The following PLCG2 variants were observed in gnomAD, a reference collection of about 807,000 sequenced individuals.
PLCG2 encodes the protein phospholipase C gamma 2.
Under a neutral mutation model 175.6 loss-of-function variants are expected in PLCG2, and 69 were observed. The ratio of observed to expected loss-of-function variants is 0.39; its 90% CI spans 0.32 to 0.48. The LOEUF (loss-of-function observed/expected upper bound fraction) is 0.48. Among genes scored for constraint, PLCG2 ranks in the 20% least tolerant of loss-of-function variants. The pLI is 0.91. For missense variants in PLCG2, 1,798 were observed against 1,650.9 expected (o/e 1.09, Z -1.54); for synonymous variants, 827 against 624.0 (o/e 1.33, Z -4.85).
intron 9 of PLCG2, 41 bp from the exon 10 acceptor site, chr16:81,889,131 T>C (rs748680736): frequency 1.7e-6 from 2 of 1,206,146 alleles, no homozygotes; most frequent in Non-Finnish European, 2.4e-6. Context: ...ATTTTATCAG[T>C]TCTCACTTTG....
At chr16:81,833,754 C>T (rs1905371244) in intron 2 of PLCG2, among the ~76,000 whole-genome samples, 1 of 151,946 alleles carries the variant, frequency 6.6e-6, no homozygotes, top group African/African-American at 2.4e-5. Context: ...AGGGTGTTGC[C>T]TAGGCTGGTC....
At chr16:81,842,484 A>G (rs1222493953) in intron 2 of PLCG2, among the ~76,000 whole-genome samples, 1 of 152,168 alleles carries the variant, frequency 6.6e-6, no homozygotes, top group Non-Finnish European at 1.5e-5. Flanking sequence ...TGGTTGACTG[A>G]ATAACTGAAA....
intron 24 of PLCG2, chr16:81,931,274 T>G: frequency 4.8e-6 from 2 of 412,808 alleles, no homozygotes; most frequent in Non-Finnish European, 8.7e-6. Flanking sequence ...ACTGGTGACC[T>G]GACACATCTT....
intron 2 of PLCG2, among the ~76,000 whole-genome samples, chr16:81,812,859 T>C (rs1387375346): frequency 6.6e-6 from 1 of 152,216 alleles, no homozygotes; most frequent in Non-Finnish European, 1.5e-5. Context: ...GTATAAGGTG[T>C]AAGGAAGGGG....
At chr16:81,924,557 C>T (rs138556273) in intron 22 of PLCG2, among the ~76,000 whole-genome samples, 42 of 152,340 alleles carry the variant, frequency 2.8e-4, no homozygotes, top group African/African-American at 9.1e-4. Flanking sequence ...AGATTTGAAC[C>T]GCCAGGCCTT....
At chr16:81,818,910 T>G (rs1236208290) in intron 2 of PLCG2, among the ~76,000 whole-genome samples, 1 of 136,722 alleles carries the variant, frequency 7.3e-6, no homozygotes, top group Non-Finnish European at 1.6e-5. Context: ...TTTTTTTTAC[T>G]GTGGTGGGGC....
At chr16:81,893,399 C>CT (rs1349376317) in intron 11 of PLCG2, among the ~76,000 whole-genome samples, 1 of 151,822 alleles carries the variant, frequency 6.6e-6, no homozygotes, top group Non-Finnish European at 1.5e-5. Context: ...TCTTCTGCAG[C>CT]TTTTTTTGCT....
At chr16:81,820,498 T>A (rs957197123) in intron 2 of PLCG2, among the ~76,000 whole-genome samples, 17 of 152,234 alleles carry the variant, frequency 1.1e-4, no homozygotes, top group Admixed American at 6.5e-5. Context: ...TGTCAGTAGT[T>A]TTTCCTTTTC....
intron 2 of PLCG2, among the ~76,000 whole-genome samples, chr16:81,846,693 A>C (rs965588950): frequency 8.5e-5 from 13 of 152,190 alleles, no homozygotes. Context: ...TCAAGATATC[A>C]GTTCTTCCTG....
chr16:81,822,954 A>G (rs1293625037), intron 2 of PLCG2, among the ~76,000 whole-genome samples: 2 of 152,176 alleles, frequency 1.3e-5, no homozygotes. Flanking sequence ...CTCCAGAAGG[A>G]GCCAGTGCTG....
At chr16:81,875,152 C>T (rs1346356297) in intron 7 of PLCG2, among the ~76,000 whole-genome samples, 2 of 151,684 alleles carry the variant, frequency 1.3e-5, no homozygotes, top group Non-Finnish European at 2.9e-5. Flanking sequence ...TTAATTGAAA[C>T]GGGGTTTCAC....
chr16:81,790,221 G>T (rs1597320041), intron 2 of PLCG2, among the ~76,000 whole-genome samples: 1 of 152,312 alleles, frequency 6.6e-6, no homozygotes, highest in Non-Finnish European at 1.5e-5. Context: ...GTTTGCTGTT[G>T]TTGCTAACTA....
At chr16:81,885,996 C>G (rs1266510733) in intron 9 of PLCG2, among the ~76,000 whole-genome samples, 1 of 152,192 alleles carries the variant, frequency 6.6e-6, no homozygotes, top group Non-Finnish European at 1.5e-5. Flanking sequence ...CACGTTAGGT[C>G]TGAGCTGGTG....
At chr16:81,796,948 G>A (rs554664974) in intron 2 of PLCG2, among the ~76,000 whole-genome samples, 14 of 152,302 alleles carry the variant, frequency 9.2e-5, no homozygotes, top group East Asian at 1.9e-4. Flanking sequence ...AGGGCAACGG[G>A]GTGAGTACAG....
At chr16:81,845,633 C>G (rs970356437) in intron 2 of PLCG2, among the ~76,000 whole-genome samples, 3 of 152,198 alleles carry the variant, frequency 2.0e-5, no homozygotes, top group Non-Finnish European at 4.4e-5. Context: ...TGTTCCCAGC[C>G]TCGGGTCAGA....
intron 26 of PLCG2, 44 bp downstream of exon 26, chr16:81,934,575 C>G: frequency 8.8e-7 from 1 of 1,141,510 alleles, no homozygotes; most frequent in Non-Finnish European, 1.3e-6. Flanking sequence ...CCAATGAAAA[C>G]TTAACTTCCT....
chr16:81,902,693 G>C (rs546283767), intron 14 of PLCG2, among the ~76,000 whole-genome samples: 7 of 151,898 alleles, frequency 4.6e-5, no homozygotes, highest in Non-Finnish European at 1.0e-4. Flanking sequence ...CTACCCTCAT[G>C]ACCTAATCAC....
At chr16:81,807,469 C>T (rs1041437094) in intron 2 of PLCG2, among the ~76,000 whole-genome samples, 6 of 152,290 alleles carry the variant, frequency 3.9e-5, no homozygotes, top group African/African-American at 1.4e-4. Context: ...CCCATCAAGC[C>T]CCCACATCGT....
At chr16:81,855,105 A>T (rs1320889336) in intron 3 of PLCG2, among the ~76,000 whole-genome samples, 1 of 151,838 alleles carries the variant, frequency 6.6e-6, no homozygotes, top group East Asian at 1.9e-4. Flanking sequence ...AGCTATTTGA[A>T]AGGCTGAGGC....
Sources: gnomAD v4.1 joint callset for allele counts (sites outside exome capture counted in the v4.1 genomes callset) on GRCh38, gnomAD v4.1.1 for gene constraint, MANE v1.5 for transcripts, NCBI Gene and HGNC (gene_info 2026-07-23, HGNC 2026-07-21) for gene names.